CSMD1: variants seen among roughly 807,000 people sequenced by gnomAD.
CSMD1 encodes CUB and Sushi multiple domains 1, also known as CUB and sushi domain-containing protein 1.
A neutral mutation model predicts 417.5 loss-of-function variants in CSMD1; 213 were observed. That is an observed-to-expected ratio of 0.51 (90% confidence interval 0.46 to 0.57). The LOEUF is 0.57. Ranked by LOEUF, CSMD1 falls within the 20% of genes least tolerant of loss-of-function variation. The pLI is 0.00. For missense variants in CSMD1, 6,923 were observed against 4,529.7 expected, an observed-to-expected ratio of 1.53 and a Z score of -15.17; for synonymous variants, 2,862 against 1,736.8, an observed-to-expected ratio of 1.65 and a Z score of -16.11.
intron 7 of CSMD1, among the ~76,000 whole-genome samples, chr8:3,702,758 G>A (rs1800940280): frequency 6.6e-6 from 1 of 152,186 alleles, no homozygotes; most frequent in African/African-American, 2.4e-5. Context: ...CTGGAACCTG[G>A]GAGGTGCAGG....
rs540118656 is a variant in CSMD1, at chr8:3,832,149, G to A, written c.819-78107C>T. On this transcript the variant is annotated intron_variant, in intron 5 of 69. Transcript: ENST00000635120. Reference sequence around the variant, plus strand: ...ATTCTTTAGGGCTATTTATGGGCCAGCCTCTGAAAATTAAGAAAGGCAAAC... The same window carrying A: ...ATTCTTTAGGGCTATTTATGGGCCAACCTCTGAAAATTAAGAAAGGCAAAC... Among the ~76,000 whole-genome samples the A allele has an allele frequency of 1.9e-4, 29 of 152,290 alleles. 1 individual carries two copies. The South Asian group carries it at 6.0e-3, about 32-fold the overall frequency.
Position 4,576,614 on chromosome 8 carries a change from G to T in CSMD1, c.302+60728C>A, listed in dbSNP as rs560594587. Among the ~76,000 whole-genome samples, 7 of 152,148 alleles carry T rather than the reference G, an allele frequency of 4.6e-5. No individual in the cohort carries two copies. In the East Asian group the frequency reaches 1.3e-3, roughly 29 times the overall value. The stretch of plus-strand genomic sequence containing the variant: ...GTCCATCCAGTATCTAGCTTACTCT[G>T]TATATATATAGCATTTATTAAATAA... On this transcript the variant is annotated intron_variant, in intron 2 of 69. Transcript: ENST00000635120.
chr8:4,046,952 C>A (rs1319863636), intron 3 of CSMD1, among the ~76,000 whole-genome samples: 1 of 152,152 alleles, frequency 6.6e-6, no homozygotes. Flanking sequence ...CTAACTCCAC[C>A]TTTGTCTCAG....
At chr8:4,505,780 A>G (rs141445665) in intron 2 of CSMD1, among the ~76,000 whole-genome samples, 9 of 151,936 alleles carry the variant, frequency 5.9e-5, no homozygotes, top group Admixed American at 1.3e-4. Flanking sequence ...TCTTACCAAC[A>G]TATGAGTTCC....
chr8:4,905,840 AAAG>A lies in CSMD1; in HGVS notation c.85+88489_85+88491del, dbSNP rs1464476715. 2.0e-5 allele frequency among the ~76,000 whole-genome samples: 3 copies of A among 149,860 alleles called. No homozygotes were observed. The East Asian group carries it at 6.0e-4, about 30-fold the overall frequency. On this transcript the variant is annotated intron_variant, in intron 1 of 69. Coordinates refer to ENST00000635120, the MANE Select transcript of CSMD1 (RefSeq NM_033225.6). ...ATCTCAAAAAAAAAAAAAAAGAAAA[AAAG>A]AAAAAGTAAAAAAGAAATCTTACTA...
chr8:3,427,076 T>C (rs1023220237), intron 12 of CSMD1, among the ~76,000 whole-genome samples: 3 of 152,144 alleles, frequency 2.0e-5, no homozygotes, highest in African/African-American at 7.2e-5. Context: ...GACAGCAGCA[T>C]AGTGGAAACC....
chr8:3,870,829 C>T (rs1585118700), intron 5 of CSMD1, among the ~76,000 whole-genome samples: 1 of 152,102 alleles, frequency 6.6e-6, no homozygotes, highest in Non-Finnish European at 1.5e-5. Context: ...GAGAAAGAAG[C>T]ATCTCCAACA....
At chr8:4,036,069 T>C (rs1004279953) in intron 3 of CSMD1, among the ~76,000 whole-genome samples, 1 of 152,210 alleles carries the variant, frequency 6.6e-6, no homozygotes, top group African/African-American at 2.4e-5. Context: ...GCCTACAGTA[T>C]TCAGTTCAGC....
At chr8:4,214,075 G>T (rs1382999593) in intron 3 of CSMD1, among the ~76,000 whole-genome samples, 1 of 152,104 alleles carries the variant, frequency 6.6e-6, no homozygotes, top group Non-Finnish European at 1.5e-5. Flanking sequence ...CTGACCTACT[G>T]AATTATCCAG....
At chr8:3,738,842 G>T (rs80191099) in intron 6 of CSMD1, among the ~76,000 whole-genome samples, 1 of 152,080 alleles carries the variant, frequency 6.6e-6, no homozygotes, top group Non-Finnish European at 1.5e-5. Context: ...ATCTAAAATA[G>T]GCATCAATAA....
chr8:3,955,124 A>G (rs1040496068), intron 5 of CSMD1, among the ~76,000 whole-genome samples: 1 of 151,310 alleles, frequency 6.6e-6, no homozygotes, highest in Non-Finnish European at 1.5e-5. Context: ...CCCCCCTCAT[A>G]CCTAACTACC....
chr8:4,941,397 A>C (rs1394804737), intron 1 of CSMD1, among the ~76,000 whole-genome samples: 1 of 152,182 alleles, frequency 6.6e-6, no homozygotes. Context: ...ATGGTCTAAG[A>C]TATTTGTGAC....
chr8:3,312,031 A>G lies in CSMD1; in HGVS notation c.3632-3528T>C, dbSNP rs1187906450. Among the ~76,000 whole-genome samples, 7 of 152,212 alleles carry G rather than the reference A, an allele frequency of 4.6e-5. No individual in the cohort carries two copies. The East Asian group carries it at 1.3e-3, about 29-fold the overall frequency. On this transcript the variant is annotated intron_variant, in intron 23 of 69. Coordinates refer to ENST00000635120, the MANE Select transcript of CSMD1 (RefSeq NM_033225.6). ...CTTATTTTAAAATTAGTTTAAGAAG[A>G]AACATTTTCCTCTACCCTAAAACTT...
At chr8:4,839,150 A>G (rs374721636) in intron 1 of CSMD1, among the ~76,000 whole-genome samples, 81 of 152,294 alleles carry the variant, frequency 5.3e-4, no homozygotes, top group African/African-American at 1.8e-3. Flanking sequence ...TGTCGTAACT[A>G]AAACCATCCT....
intron 5 of CSMD1, among the ~76,000 whole-genome samples, chr8:3,813,816 A>C (rs1044518997): frequency 6.6e-6 from 1 of 152,190 alleles, no homozygotes; most frequent in Admixed American, 6.5e-5. Context: ...AAAAACTTAA[A>C]GTATGTCTTC....
intron 4 of CSMD1, among the ~76,000 whole-genome samples, chr8:3,999,601 G>T (rs965816473): frequency 6.6e-6 from 1 of 152,180 alleles, no homozygotes; most frequent in Non-Finnish European, 1.5e-5. Context: ...GTAGTTGACA[G>T]CACACGGTTT....
intron 2 of CSMD1, among the ~76,000 whole-genome samples, chr8:4,421,821 G>A (rs1037231589): frequency 6.6e-6 from 1 of 151,298 alleles, no homozygotes; most frequent in Non-Finnish European, 1.5e-5. Flanking sequence ...CAAAAAACAA[G>A]AAAAGTACAG....
At chr8:3,531,444 C>T (rs1417165912) in intron 10 of CSMD1, among the ~76,000 whole-genome samples, 1 of 151,960 alleles carries the variant, frequency 6.6e-6, no homozygotes, top group African/African-American at 2.4e-5. Flanking sequence ...TAAACATCAC[C>T]CCTCAAAAAA....
intron 50 of CSMD1, among the ~76,000 whole-genome samples, chr8:3,051,889 A>G (rs1273818698): frequency 6.6e-6 from 1 of 152,162 alleles, no homozygotes; most frequent in Non-Finnish European, 1.5e-5. Context: ...AGTTTCAGAA[A>G]GTACTCCAAT....
Sources: gnomAD v4.1 joint callset for allele counts (sites outside exome capture counted in the v4.1 genomes callset) on GRCh38, gnomAD v4.1.1 for gene constraint, MANE v1.5 for transcripts, NCBI Gene and HGNC (gene_info 2026-07-23, HGNC 2026-07-21) for gene names.